RPTOR: variants seen among roughly 807,000 people sequenced by gnomAD.
The protein encoded by RPTOR is regulatory associated protein of MTOR complex 1, also known as regulatory-associated protein of mTOR.
A neutral mutation model predicts 169.9 loss-of-function variants in RPTOR; 21 were observed. That is an observed-to-expected ratio of 0.12 (90% CI 0.09 to 0.18). The LOEUF is 0.18. Among genes scored for constraint, RPTOR ranks in the 10% least tolerant of loss-of-function variants. The pLI is 1.00. For synonymous variants in RPTOR, 732 were observed against 753.2 expected (o/e 0.97, Z 0.46); for missense variants, 1,133 against 1,855.9 (o/e 0.61, Z 7.16).
chr17:80,958,072 G>GTT, intron 29 of RPTOR, among the ~76,000 whole-genome samples: 1 of 147,696 alleles, frequency 6.8e-6, no homozygotes, highest in African/African-American at 2.5e-5. Flanking sequence ...ATTTGGAGGC[G>GTT]TTTTTTTTTT....
chr17:80,548,371 GTTTTTTTTTTTT>G (rs34301408), intron 1 of RPTOR, among the ~76,000 whole-genome samples: 8 of 63,430 alleles, frequency 1.3e-4, no homozygotes, highest in Admixed American at 7.8e-4. Context: ...GCCTGGGGTG[GTTTTTTTTTTTT>G]TTTTTTTTTT....
Position 80,844,779 on chromosome 17 carries a change from G to A in RPTOR, c.1213-1694G>A, listed in dbSNP as rs966220887. 7.2e-5 allele frequency among the ~76,000 whole-genome samples: 11 copies of A among 152,280 alleles called. No homozygotes were observed. In the South Asian group the frequency reaches 1.0e-3, roughly 14 times the overall value. The stretch of plus-strand genomic sequence containing the variant: ...GGAGGCACCCTGTCCTGCTCCTGGC[G>A]TTCGCCTGTCCACATGTGTCCACAT... On this transcript the variant is annotated intron_variant, in intron 10 of 33. Coordinates refer to ENST00000306801, the MANE Select transcript of RPTOR (RefSeq NM_020761.3). The surrounding 1 kb of genome is among the most constrained non-coding windows in gnomAD (Gnocchi z 4.7).
intron 20 of RPTOR, among the ~76,000 whole-genome samples, chr17:80,902,249 C>T (rs1461149065): frequency 1.3e-5 from 2 of 152,234 alleles, no homozygotes; most frequent in Admixed American, 6.5e-5. Context: ...GTGAAGCCTT[C>T]GTTAAAACCG....
intron 13 of RPTOR, among the ~76,000 whole-genome samples, chr17:80,862,060 T>C (rs773299352): frequency 3.3e-5 from 5 of 152,194 alleles, no homozygotes; most frequent in Non-Finnish European, 7.4e-5. Context: ...TTTTACACCC[T>C]GCTCCAGGCA....
chr17:80,834,420 G>A (rs183849374), intron 9 of RPTOR, among the ~76,000 whole-genome samples: 107 of 152,288 alleles, frequency 7.0e-4, no homozygotes, highest in East Asian at 6.4e-3. Context: ...TCGTCTGGGC[G>A]CCGAGCCACA....
intron 3 of RPTOR, among the ~76,000 whole-genome samples, chr17:80,685,627 A>ATATATATATATATATATT (rs1269766086): frequency 3.3e-5 from 1 of 30,698 alleles, no homozygotes; most frequent in Admixed American, 5.3e-4. Flanking sequence ...ATATATATAT[A>ATATATATATATATATATT]TTTTTTTTTT....
intron 3 of RPTOR, among the ~76,000 whole-genome samples, chr17:80,669,510 G>A (rs866282216): frequency 3.3e-5 from 5 of 152,258 alleles, no homozygotes; most frequent in Middle Eastern, 6.8e-3. Flanking sequence ...TCAGCCTCCC[G>A]GGTAGCTGGG....
At chr17:80,554,564 A>G in intron 1 of RPTOR, among the ~76,000 whole-genome samples, 1 of 152,112 alleles carries the variant, frequency 6.6e-6, no homozygotes, top group Non-Finnish European at 1.5e-5. Flanking sequence ...TAACACGATG[A>G]AACCCCATCT....
At chr17:80,583,196 T>TTTGTTTTGTTTTG (rs1555717406) in intron 1 of RPTOR, among the ~76,000 whole-genome samples, 2 of 137,374 alleles carry the variant, frequency 1.5e-5, no homozygotes, top group African/African-American at 5.5e-5. Context: ...TTTTTTTTTT[T>TTTGTTTTGTTTTG]TTTTTTTTTT....
rs147484713 is a variant in RPTOR, at chr17:80,906,751, G to A, written c.2402-2060G>A. Reference sequence around the variant, plus strand: ...AGCAGCAGAGCGTGACCTCCTAGATGGCAGCGTGACCTCCTAGATGGCAGC... The same window carrying A: ...AGCAGCAGAGCGTGACCTCCTAGATAGCAGCGTGACCTCCTAGATGGCAGC... On this transcript the variant is annotated intron_variant, in intron 20 of 33. Coordinates refer to ENST00000306801, the MANE Select transcript of RPTOR (RefSeq NM_020761.3). Among the ~76,000 whole-genome samples the A allele has an allele frequency of 2.1e-3, 313 of 151,824 alleles. 3 individuals are homozygous for A. Among genetic ancestry groups the A allele is most frequent in the Admixed American group, 3.7e-3 (57 of 15,258 alleles).
chr17:80,961,607 C>A, intron 31 of RPTOR, 127 bp downstream of exon 31: 1 of 1,077,008 alleles, frequency 9.3e-7, no homozygotes, highest in Non-Finnish European at 1.3e-6. Context: ...TTAACTCCTG[C>A]CCTGGAACTG....
intron 7 of RPTOR, chr17:80,802,916 G>A (rs942737535): frequency 2.0e-5 from 3 of 152,388 alleles, no homozygotes; most frequent in African/African-American, 7.2e-5. Flanking sequence ...CTCTTCTCTA[G>A]ACGCATCGTA....
intron 3 of RPTOR, among the ~76,000 whole-genome samples, chr17:80,656,695 T>C (rs1290311834): frequency 3.9e-5 from 6 of 152,268 alleles, no homozygotes; most frequent in Non-Finnish European, 7.3e-5. Context: ...GACATTTGTC[T>C]GTAGGTTCTT....
chr17:80,596,031 T>C (rs1007318236), intron 1 of RPTOR, among the ~76,000 whole-genome samples: 3 of 152,238 alleles, frequency 2.0e-5, no homozygotes, highest in African/African-American at 7.2e-5. Flanking sequence ...GCTAGGGAGA[T>C]GAGCCGTCCT....
chr17:80,903,720 G>A (rs551647521), intron 20 of RPTOR, among the ~76,000 whole-genome samples: 2 of 152,292 alleles, frequency 1.3e-5, no homozygotes, highest in Admixed American at 6.5e-5. Context: ...AGCCCCGCGT[G>A]CAGCTCCAGA....
intron 3 of RPTOR, among the ~76,000 whole-genome samples, chr17:80,671,358 A>T (rs983527046): frequency 9.2e-5 from 14 of 152,218 alleles, no homozygotes; most frequent in African/African-American, 3.4e-4. Flanking sequence ...ATCTCGGTTA[A>T]ATCAAAACAC....
chr17:80,965,469 C>T lies in RPTOR; in HGVS notation c.*1139C>T, dbSNP rs1010043741. 18 of 233,254 alleles carry T rather than the reference C, an allele frequency of 7.7e-5. No individual in the cohort carries two copies. Among genetic ancestry groups the T allele is most frequent in the Non-Finnish European group, 1.2e-4 (14 of 118,088 alleles). 14.4% of individuals were successfully genotyped at this position (233,254 alleles called of 1,614,324 possible). ...GTGGACAGTCCCGCCCAGGAGGGGC[C>T]GCAGGGCGTGTATGAGCAGTTTTGC... On this transcript the variant is annotated 3_prime_UTR_variant, in exon 34 of 34. Transcript: ENST00000306801.
At chr17:80,887,346 C>T (rs1198114231) in intron 17 of RPTOR, among the ~76,000 whole-genome samples, 2 of 92,270 alleles carry the variant, frequency 2.2e-5, no homozygotes, top group East Asian at 3.0e-4. Flanking sequence ...GGTGCCAGCT[C>T]GGGGGGTGTA....
At chr17:80,751,250 G>A (rs552996174) in intron 5 of RPTOR, among the ~76,000 whole-genome samples, 6 of 152,286 alleles carry the variant, frequency 3.9e-5, no homozygotes, top group South Asian at 2.1e-4. Flanking sequence ...TGTTGGCGTC[G>A]TAGGTGCTTG....
Sources: allele counts gnomAD v4.1 joint callset (sites outside exome capture counted in the v4.1 genomes callset), GRCh38; gene constraint gnomAD v4.1.1; non-coding constraint Gnocchi (gnomAD v3.1); transcripts MANE v1.5; gene names NCBI Gene and HGNC (gene_info 2026-07-23, HGNC 2026-07-21).